TMEM260: variants seen among roughly 807,000 people sequenced by gnomAD.
TMEM260 encodes protein O-mannosyl-transferase TMEM260.
A neutral mutation model predicts 88.9 loss-of-function variants in TMEM260; 82 were observed. The ratio of observed to expected loss-of-function variants is 0.92; its 90% CI spans 0.77 to 1.11. The LOEUF (loss-of-function observed/expected upper bound fraction) is 1.11, where lower values mean the gene tolerates loss of function less well. Among genes scored for constraint, TMEM260 ranks in the 50% least tolerant of loss-of-function variants. TMEM260 has a pLI of 0.00. For missense variants in TMEM260, 902 were observed against 853.4 expected (o/e 1.06, Z -0.71); for synonymous variants, 314 against 309.3 (o/e 1.02, Z -0.16).
At chr14:56,593,580 A>G (rs1886001371) in intron 3 of TMEM260, among the ~76,000 whole-genome samples, 1 of 151,232 alleles carries the variant, frequency 6.6e-6, no homozygotes, top group Non-Finnish European at 1.5e-5. Context: ...AATCTATATC[A>G]GTGCTTTCCT....
intron 3 of TMEM260, among the ~76,000 whole-genome samples, chr14:56,590,538 T>C (rs1265223185): frequency 6.6e-6 from 1 of 152,182 alleles, no homozygotes; most frequent in African/African-American, 2.4e-5. Context: ...GGGAGAAAAT[T>C]TATGTAAACC....
Position 56,635,980 on chromosome 14 carries a change from G to GCATAATTCACTGTGATTGAATGT in TMEM260, c.1779-527_1779-505dup, listed in dbSNP as rs1336634200. 6.5e-4 allele frequency among the ~76,000 whole-genome samples: 99 copies of GCATAATTCACTGTGATTGAATGT among 152,288 alleles called. 1 individual carries two copies. The East Asian group carries it at 0.018, about 28-fold the overall frequency. ...CTGATCAAAGATATACCATATGTTT[G>GCATAATTCACTGTGATTGAATGT]CATAATTCACTGTGATTGAATGTGG... On this transcript the variant is annotated intron_variant, in intron 14 of 15. Transcript: ENST00000261556.
chr14:56,619,654 ATGGAAGAGAGTCCCT>A (rs200644740), intron 10 of TMEM260, among the ~76,000 whole-genome samples: 150 of 152,354 alleles, frequency 9.8e-4, no homozygotes, highest in African/African-American at 3.3e-3. Flanking sequence ...CATTATGGAA[ATGGAAGAGAGTCCCT>A]TGGAATTTTG....
At chr14:56,588,937 C>T (rs1885682669) in intron 3 of TMEM260, among the ~76,000 whole-genome samples, 1 of 151,680 alleles carries the variant, frequency 6.6e-6, no homozygotes, top group Admixed American at 6.6e-5. Flanking sequence ...TTAAAATGCC[C>T]TATTCTATTT....
chr14:56,624,049 A>G (rs1888089920), intron 11 of TMEM260, among the ~76,000 whole-genome samples: 1 of 152,234 alleles, frequency 6.6e-6, no homozygotes, highest in Admixed American at 6.5e-5. Context: ...GTAAACTTGT[A>G]AGGATATGTA....
At chr14:56,600,733 CAA>C (rs1284199781) in intron 3 of TMEM260, among the ~76,000 whole-genome samples, 3 of 152,118 alleles carry the variant, frequency 2.0e-5, no homozygotes, top group African/African-American at 4.8e-5. Context: ...TGTTGGGAAA[CAA>C]ACATTGAAAG....
intron 12 of TMEM260, 113 bp from the exon 13 acceptor site, chr14:56,632,882 A>G (rs1342792279): frequency 6.1e-6 from 6 of 977,110 alleles, no homozygotes; most frequent in Non-Finnish European, 8.9e-6. Flanking sequence ...CCAAAATCAT[A>G]TAGGTAATAA....
chr14:56,586,928 C>A (rs984935773), intron 3 of TMEM260, among the ~76,000 whole-genome samples: 5 of 151,580 alleles, frequency 3.3e-5, no homozygotes, highest in African/African-American at 9.7e-5. Context: ...GATCTTTTCC[C>A]AAATTGTTAT....
chr14:56,631,356 C>T (rs1370548159), intron 12 of TMEM260, among the ~76,000 whole-genome samples: 1 of 152,144 alleles, frequency 6.6e-6, no homozygotes, highest in Non-Finnish European at 1.5e-5. Context: ...GGTGTGGTGA[C>T]TCACGCCTGT....
intron 3 of TMEM260, among the ~76,000 whole-genome samples, chr14:56,591,441 C>T (rs1469051548): frequency 3.3e-5 from 5 of 152,182 alleles, no homozygotes; most frequent in African/African-American, 1.2e-4. Flanking sequence ...TTTGGATGTT[C>T]TGCCTTGACT....
intron 3 of TMEM260, among the ~76,000 whole-genome samples, chr14:56,603,534 A>G (rs1406291187): frequency 1.3e-5 from 2 of 152,216 alleles, no homozygotes; most frequent in Admixed American, 6.5e-5. Context: ...CTGTGTCTTC[A>G]GGTTTTCTGA....
chr14:56,653,202 C>CA (rs1454884389), downstream of TMEM260, among the ~76,000 whole-genome samples: 2 of 149,812 alleles, frequency 1.3e-5, no homozygotes, highest in Non-Finnish European at 3.0e-5. Context: ...GACTCTGTTT[C>CA]AAAAAAAATA....
intron 3 of TMEM260, among the ~76,000 whole-genome samples, chr14:56,597,178 C>G (rs1433987134): frequency 6.6e-6 from 1 of 152,154 alleles, no homozygotes; most frequent in Non-Finnish European, 1.5e-5. Flanking sequence ...ACAGGTTAAA[C>G]ATCCCTAATC....
At chr14:56,631,628 A>G (rs1462753509) in intron 12 of TMEM260, among the ~76,000 whole-genome samples, 1 of 129,226 alleles carries the variant, frequency 7.7e-6, no homozygotes, top group Non-Finnish European at 1.7e-5. Context: ...GTCTCAAAAA[A>G]AAAAAAAAAA....
intron 1 of TMEM260, among the ~76,000 whole-genome samples, chr14:56,581,501 A>G (rs1054762026): frequency 6.6e-6 from 1 of 152,198 alleles, no homozygotes; most frequent in Non-Finnish European, 1.5e-5. Context: ...GCTGGAGAGC[A>G]TTATTCAGAG....
rs1416112851 is a variant in TMEM260, at chr14:56,618,577, G to A, written c.1057-17G>A. 2 of 1,612,292 alleles carry A rather than the reference G, an allele frequency of 1.2e-6. No homozygotes were observed. Among genetic ancestry groups the A allele is most frequent in the South Asian group, 1.1e-5 (1 of 90,660 alleles). ...AAATAGTCAACTGGACCCACTGGTT[G>A]CATGTCTCTTTCACAGGTGGAACGA... On this transcript the variant is annotated splice_polypyrimidine_tract_variant and intron_variant, in intron 9 of 15. Coordinates refer to ENST00000261556, the MANE Select transcript of TMEM260 (RefSeq NM_017799.4).
the TMEM260 span, among the ~76,000 whole-genome samples, chr14:56,661,187 A>T: frequency 6.6e-6 from 1 of 151,934 alleles, no homozygotes; most frequent in Non-Finnish European, 1.5e-5. Context: ...TGGGCCAGGT[A>T]CCAGCCTAGT....
chr14:56,584,093 G>C (rs1008101361), intron 1 of TMEM260, among the ~76,000 whole-genome samples: 3 of 151,850 alleles, frequency 2.0e-5, no homozygotes, highest in Non-Finnish European at 4.4e-5. Context: ...AAGATGAATT[G>C]AAGTAGGATT....
intron 10 of TMEM260, among the ~76,000 whole-genome samples, chr14:56,619,617 C>T (rs1267691248): frequency 2.0e-5 from 3 of 152,074 alleles, no homozygotes; most frequent in Admixed American, 1.3e-4. Flanking sequence ...GACTATAGTT[C>T]GTTTATTTCC....
Sources: gnomAD v4.1 joint callset for allele counts (sites outside exome capture counted in the v4.1 genomes callset) on GRCh38, gnomAD v4.1.1 for gene constraint, MANE v1.5 for transcripts, NCBI Gene and HGNC (gene_info 2026-07-23, HGNC 2026-07-21) for gene names.